HCN1: variants seen among roughly 807,000 people sequenced by gnomAD.
The protein encoded by HCN1 is potassium/sodium hyperpolarization-activated cyclic nucleotide-gated channel 1.
Under a neutral mutation model 78.9 loss-of-function variants are expected in HCN1, and 13 were observed. The ratio of observed to expected loss-of-function variants is 0.16; its 90% confidence interval spans 0.11 to 0.26. The LOEUF (loss-of-function observed/expected upper bound fraction) is 0.26, where lower values mean the gene tolerates loss of function less well. Ranked by LOEUF, HCN1 falls within the 10% of genes least tolerant of loss-of-function variation. The pLI is 1.00. For missense variants in HCN1, 810 were observed against 1,154.3 expected, an observed-to-expected ratio of 0.70 and a Z score of 4.32; for synonymous variants, 552 against 455.5, an observed-to-expected ratio of 1.21 and a Z score of -2.70.
intron 5 of HCN1, among the ~76,000 whole-genome samples, chr5:45,347,639 A>G (rs957900626): frequency 1.3e-5 from 2 of 152,194 alleles, no homozygotes; most frequent in African/African-American, 4.8e-5. Flanking sequence ...CGAATGTATA[A>G]CTAGAATAAC....
At chr5:45,311,070 C>T (rs1222745470) in intron 5 of HCN1, among the ~76,000 whole-genome samples, 2 of 152,104 alleles carry the variant, frequency 1.3e-5, no homozygotes, top group Admixed American at 6.5e-5. Context: ...AGGTTTAATG[C>T]CTGAGTGATG....
rs1200643285 is a variant in HCN1, at chr5:45,527,042, C to T, written c.850-65035G>A. Reference sequence around the variant, plus strand: ...TGCCCATCATTCTCATTCTCTCTCTCTTTTCTCCCTCTTTCTCTCTCTCTC... The same window carrying T: ...TGCCCATCATTCTCATTCTCTCTCTTTTTTCTCCCTCTTTCTCTCTCTCTC... On this transcript the variant is annotated intron_variant, in intron 2 of 7. Transcript: ENST00000303230. 4.4e-5 allele frequency among the ~76,000 whole-genome samples: 6 copies of T among 135,784 alleles called. 1 individual carries two copies. Among genetic ancestry groups the T allele is most frequent in the Non-Finnish European group, 9.6e-5 (6 of 62,210 alleles). 89.1% of individuals were successfully genotyped at this position (135,784 alleles called of 152,430 possible).
chr5:45,536,366 A>G (rs571922400), intron 2 of HCN1, among the ~76,000 whole-genome samples: 2 of 152,194 alleles, frequency 1.3e-5, no homozygotes, highest in African/African-American at 4.8e-5. Context: ...CATGCTCATT[A>G]TTCTTCCATT....
intron 1 of HCN1, among the ~76,000 whole-genome samples, chr5:45,652,553 C>T (rs531735059): frequency 3.0e-4 from 45 of 151,966 alleles, no homozygotes; most frequent in African/African-American, 1.0e-3. Flanking sequence ...GTCCTCAAAT[C>T]GATCACTAGC....
chr5:45,490,424 T>C (rs776630730), intron 2 of HCN1, among the ~76,000 whole-genome samples: 4 of 152,164 alleles, frequency 2.6e-5, no homozygotes, highest in Non-Finnish European at 5.9e-5. Context: ...TATTATTTAT[T>C]TTCTCCAGTT....
intron 4 of HCN1, among the ~76,000 whole-genome samples, chr5:45,372,872 AC>A (rs1167774995): frequency 7.0e-6 from 1 of 143,764 alleles, no homozygotes; most frequent in Non-Finnish European, 1.5e-5. Flanking sequence ...AAAAATATGT[AC>A]GTATTCTATA....
chr5:45,641,640 A>C (rs1434347545), intron 2 of HCN1: 1 of 152,216 alleles, frequency 6.6e-6, no homozygotes, highest in Non-Finnish European at 1.5e-5. Context: ...AAAATTAAGA[A>C]GAATTTATGC....
chr5:45,370,689 A>G (rs1747335899), intron 4 of HCN1, among the ~76,000 whole-genome samples: 2 of 152,084 alleles, frequency 1.3e-5, no homozygotes, highest in South Asian at 4.1e-4. Context: ...TTTCCAAACT[A>G]TAATGCCATA....
chr5:45,498,435 A>G (rs952528706), intron 2 of HCN1, among the ~76,000 whole-genome samples: 5 of 152,138 alleles, frequency 3.3e-5, no homozygotes, highest in African/African-American at 1.2e-4. Flanking sequence ...TTTCAGCTCC[A>G]TCAGCTCCTT....
At chr5:45,376,581 G>A (rs1747682729) in intron 4 of HCN1, among the ~76,000 whole-genome samples, 1 of 151,534 alleles carries the variant, frequency 6.6e-6, no homozygotes, top group Non-Finnish European at 1.5e-5. Flanking sequence ...ATGATAACAA[G>A]CATGATAACA....
intron 4 of HCN1, among the ~76,000 whole-genome samples, chr5:45,353,615 G>A (rs1415579295): frequency 1.3e-5 from 2 of 151,896 alleles, no homozygotes; most frequent in Non-Finnish European, 2.9e-5. Flanking sequence ...TTTGGCTGTC[G>A]ATTTTTAAGA....
chr5:45,377,543 C>T (rs1747709604), intron 4 of HCN1, among the ~76,000 whole-genome samples: 1 of 151,720 alleles, frequency 6.6e-6, no homozygotes, highest in Non-Finnish European at 1.5e-5. Flanking sequence ...AGACTGCCTG[C>T]TGAAACTAAC....
chr5:45,346,380 G>C (rs1224894667), intron 5 of HCN1, among the ~76,000 whole-genome samples: 1 of 152,180 alleles, frequency 6.6e-6, no homozygotes, highest in Admixed American at 6.5e-5. Flanking sequence ...ATAATGGTTG[G>C]CAGCCAAGAT....
intron 2 of HCN1, among the ~76,000 whole-genome samples, chr5:45,619,254 T>C (rs1353063714): frequency 6.6e-6 from 1 of 152,068 alleles, no homozygotes; most frequent in Non-Finnish European, 1.5e-5. Flanking sequence ...GCAGTGCCAC[T>C]TCTATACCCT....
intron 3 of HCN1, among the ~76,000 whole-genome samples, chr5:45,418,214 A>T (rs1262686457): frequency 6.6e-6 from 1 of 151,880 alleles, no homozygotes; most frequent in Non-Finnish European, 1.5e-5. Context: ...TAAAAGAAAA[A>T]GTGTTTATAA....
intron 2 of HCN1, among the ~76,000 whole-genome samples, chr5:45,521,058 A>G (rs1244640776): frequency 6.6e-6 from 1 of 151,528 alleles, no homozygotes; most frequent in Non-Finnish European, 1.5e-5. Context: ...TTAGTAAGAG[A>G]TGACATAGAT....
intron 3 of HCN1, among the ~76,000 whole-genome samples, chr5:45,418,392 T>G (rs925064449): frequency 2.0e-5 from 3 of 150,064 alleles, no homozygotes; most frequent in Non-Finnish European, 4.5e-5. Context: ...AGCATTATTT[T>G]TTAGCTCAGA....
intron 4 of HCN1, among the ~76,000 whole-genome samples, chr5:45,383,273 A>C (rs1747844916): frequency 1.3e-5 from 2 of 152,180 alleles, no homozygotes. Context: ...TAGATTACTA[A>C]TTTGCATGTT....
At chr5:45,422,841 C>G (rs1448794808) in intron 3 of HCN1, among the ~76,000 whole-genome samples, 1 of 152,046 alleles carries the variant, frequency 6.6e-6, no homozygotes, top group Non-Finnish European at 1.5e-5. Flanking sequence ...TGATCAACCT[C>G]ATGAAAATGA....
Sources: allele counts gnomAD v4.1 joint callset (sites outside exome capture counted in the v4.1 genomes callset), GRCh38; gene constraint gnomAD v4.1.1; transcripts MANE v1.5; gene names NCBI Gene and HGNC (gene_info 2026-07-23, HGNC 2026-07-21).